The following ST8SIA3 variants were observed in gnomAD, a reference collection of about 807,000 sequenced individuals.
ST8SIA3 encodes ST8 alpha-N-acetyl-neuraminide alpha-2,8-sialyltransferase 3, also known as alpha-N-acetylneuraminate alpha-2,8-sialyltransferase ST8SIA3.
In ST8SIA3, 17 loss-of-function variants were observed where a neutral mutation model predicts 34.5. The ratio of observed to expected loss-of-function variants is 0.49; its 90% confidence interval spans 0.34 to 0.74. The LOEUF (loss-of-function observed/expected upper bound fraction) is 0.74. Ranked by LOEUF, ST8SIA3 falls within the 30% of genes least tolerant of loss-of-function variation. The pLI is 0.01. For synonymous variants in ST8SIA3, 172 were observed against 176.1 expected (o/e 0.98, Z 0.19); for missense variants, 354 against 467.8 (o/e 0.76, Z 2.24).
chr18:57,359,833 G>A (rs780740268), intron 3 of ST8SIA3, among the ~76,000 whole-genome samples, 162 bp from the exon 4 acceptor site: 8 of 152,294 alleles, frequency 5.3e-5, no homozygotes, highest in Middle Eastern at 3.4e-3. Flanking sequence ...TATGTAACCA[G>A]TTGTGCCCAG....
intron 2 of ST8SIA3, among the ~76,000 whole-genome samples, chr18:57,355,982 C>T (rs567922619): frequency 6.6e-6 from 1 of 152,282 alleles, no homozygotes; most frequent in Non-Finnish European, 1.5e-5. Flanking sequence ...ATGTGCAAAG[C>T]ATTTCATTTC....
At position 57,362,266 on chromosome 18, in the gene ST8SIA3, G is replaced by A. The variant is rs986555271; in HGVS notation, c.*1989G>A. The A allele has an allele frequency of 8.5e-5, 13 of 152,300 alleles. No individual in the cohort carries two copies. The highest frequency in any genetic ancestry group is 8.5e-4 in the Admixed American group (13 of 15,294). 9.4% of individuals were successfully genotyped at this position (152,300 alleles called of 1,614,324 possible). A position where few individuals can be genotyped will look rare whatever the true frequency, so the allele number is the denominator to read the frequency against. On this transcript the variant is annotated 3_prime_UTR_variant, in exon 4 of 4. Coordinates refer to ENST00000324000, the MANE Select transcript of ST8SIA3 (RefSeq NM_015879.3). ...GCTCTGTTGGGATCACTGAGAGATT[G>A]ACAACTGACAGAAGTGTTTAGTTGG...
Position 57,360,367 on chromosome 18 carries a change from T to G in ST8SIA3, c.*90T>G. ...TCAGAATAGAACCCTAGAGAATGTC[T>G]TATAAGGATTGTCTGCCATTTAAAA... is the stretch of plus-strand genomic sequence containing the variant. On this transcript the variant is annotated 3_prime_UTR_variant, in exon 4 of 4. Coordinates refer to ENST00000324000, the MANE Select transcript of ST8SIA3 (RefSeq NM_015879.3). The G allele has an allele frequency of 2.4e-6, 3 of 1,248,796 alleles. No individual in the cohort carries two copies. The highest frequency in any genetic ancestry group is 3.3e-6 in the Non-Finnish European group (3 of 911,128). The allele number at this position is 1,248,796 out of a possible 1,614,324, so 77.4% of individuals were successfully genotyped here. A position where few individuals can be genotyped will look rare whatever the true frequency, so the allele number is the denominator to read the frequency against.
chr18:57,358,818 G>A (rs2049813040), intron 3 of ST8SIA3, among the ~76,000 whole-genome samples: 1 of 152,190 alleles, frequency 6.6e-6, no homozygotes, highest in Admixed American at 6.5e-5. Context: ...CTGCCAACCT[G>A]TCCCATGGTC....
chr18:57,353,923 G>A (rs1446165691), intron 1 of ST8SIA3, among the ~76,000 whole-genome samples: 3 of 152,222 alleles, frequency 2.0e-5, no homozygotes, highest in African/African-American at 7.2e-5. Flanking sequence ...CAAGTTATAG[G>A]AAGTGAAATC....
chr18:57,356,762 C>G (rs1328331038), intron 2 of ST8SIA3, 151 bp from the exon 3 acceptor site: 5 of 585,006 alleles, frequency 8.5e-6, no homozygotes, highest in Non-Finnish European at 1.5e-5. Context: ...TGAAGCAGTC[C>G]TCCCTTCAAG....
chr18:57,355,257 C>A (rs2049792611), intron 2 of ST8SIA3, among the ~76,000 whole-genome samples: 1 of 152,088 alleles, frequency 6.6e-6, no homozygotes, highest in Non-Finnish European at 1.5e-5. Flanking sequence ...CTTAGCAAAC[C>A]ACGATAACTC....
intron 3 of ST8SIA3, 38 bp from the exon 4 acceptor site, chr18:57,359,957 G>A (rs747901057): frequency 1.1e-5 from 17 of 1,582,584 alleles, no homozygotes; most frequent in Admixed American, 6.8e-5. Flanking sequence ...AACTTTCAAC[G>A]CTGACCTCTG....
chr18:57,356,852 A>T, intron 2 of ST8SIA3, 61 bp from the exon 3 acceptor site: 1 of 1,100,392 alleles, frequency 9.1e-7, no homozygotes, highest in Admixed American at 2.3e-5. Flanking sequence ...AGCATAAGTC[A>T]TAAGATGGAA....
At chr18:57,354,651 C>A (rs2049787939) in intron 2 of ST8SIA3, 127 bp downstream of exon 2, 1 of 1,092,430 alleles carries the variant, frequency 9.2e-7, no homozygotes, top group Non-Finnish European at 1.3e-6. Context: ...CCCTCACCAT[C>A]AGGTGTATCT....
chr18:57,353,143 TGC>T, intron 1 of ST8SIA3, 118 bp downstream of exon 1: 1 of 967,924 alleles, frequency 1.0e-6, no homozygotes, highest in South Asian at 1.6e-5. Context: ...GCCAGATAAC[TGC>T]GCGGTCCTTC....
rs1016672189 is a variant in ST8SIA3, at chr18:57,362,473, A to G, written c.*2196A>G. 1 of 152,224 alleles carries G rather than the reference A, an allele frequency of 6.6e-6. No homozygotes were observed. The highest frequency in any genetic ancestry group is 6.5e-5 in the Admixed American group (1 of 15,280). The allele number at this position is 152,224 out of a possible 1,614,324, so 9.4% of individuals were successfully genotyped here. Reference sequence around the variant, plus strand: ...GAGGAAAAGACCAGAATCTCTAAAAAACAGTTTACTGTTCTGTAGTGGACA... The same window carrying G: ...GAGGAAAAGACCAGAATCTCTAAAAGACAGTTTACTGTTCTGTAGTGGACA... On this transcript the variant is annotated 3_prime_UTR_variant, in exon 4 of 4. Transcript: ENST00000324000.
At position 57,354,601 on chromosome 18, in the gene ST8SIA3, A is replaced by G; in HGVS notation, c.302+77A>G. The G allele has an allele frequency of 2.6e-6, 4 of 1,558,278 alleles. 1 individual carries two copies. In the South Asian group the frequency reaches 4.6e-5, roughly 18 times the overall value. ...AAAACAAAACAAAACAAAAACAAGC[A>G]AACAAAAACATCTAAAACAACAAAC... On this transcript the variant is annotated intron_variant, in intron 2 of 3. Coordinates refer to ENST00000324000, the MANE Select transcript of ST8SIA3 (RefSeq NM_015879.3).
chr18:57,357,499 T>C (rs751856306), intron 3 of ST8SIA3, 29 bp downstream of exon 3: 2 of 1,542,102 alleles, frequency 1.3e-6, no homozygotes, highest in Non-Finnish European at 1.8e-6. Context: ...ATTTTACTCA[T>C]ACTCCACCAG....
rs1183324417 is a variant in ST8SIA3 at position 57,352,954 on chromosome 18, G to A, written c.108G>A (p.Glu36=). 1.2e-6 allele frequency: 2 copies of A among 1,613,220 alleles called. No individual in the cohort carries two copies. The highest frequency in any genetic ancestry group is 2.7e-5 in the African/African-American group (2 of 74,806). Residue 36 remains glutamate (E), a synonymous_variant, in exon 1 of 4, where the codon GAG becomes GAA. Transcript: ENST00000324000. ...TCAGCTACGTGTCCCTGAAAAAGGA[G>A]AACATCTTCACCACTCCCAAGTACG... The part of the protein sequence containing the change: ...SLISYVSLKK[E]NIFTTPKYAS...
chr18:57,359,268 T>G (rs139314144), intron 3 of ST8SIA3, among the ~76,000 whole-genome samples: 1 of 152,338 alleles, frequency 6.6e-6, no homozygotes, highest in East Asian at 1.9e-4. Flanking sequence ...TAATATTATT[T>G]AAATATGGAA....
rs1308108967 is a variant in ST8SIA3, at chr18:57,352,902, G to T, written c.56G>T (p.Ser19Ile). 6.2e-6 allele frequency: 10 copies of T among 1,613,806 alleles called. No individual in the cohort carries two copies. Among genetic ancestry groups the T allele is most frequent in the Non-Finnish European group, 6.8e-6 (8 of 1,179,992 alleles). The change falls in exon 1 of 4, where the codon AGC becomes ATC. Residue 19 changes from serine to isoleucine, a missense_variant. Ser to Ile is a moderately radical substitution (Grantham distance 142). Transcript: ENST00000324000. ...AGTGTGCTGGGGCTGGTCATGCTCAGCGTCGCCCTGCTGATTTTATCGCTC... is the reference window on the plus strand; with the variant it reads ...AGTGTGCTGGGGCTGGTCATGCTCATCGTCGCCCTGCTGATTTTATCGCTC... Reference protein sequence around the residue: ...VASVLGLVMLSVALLILSLIS... With the variant: ...VASVLGLVMLIVALLILSLIS...
chr18:57,352,785 C>T lies in ST8SIA3; in HGVS notation c.-62C>T, dbSNP rs1465787819. 3 of 1,346,456 alleles carry T rather than the reference C, an allele frequency of 2.2e-6. No individual in the cohort carries two copies. Among genetic ancestry groups the T allele is most frequent in the Middle Eastern group, 1.8e-4 (1 of 5,574 alleles). The allele number at this position is 1,346,456 out of a possible 1,614,324, so 83.4% of individuals were successfully genotyped here. ...ACACACACACATATATACACGCCAG[C>T]GAGCTGCTGGCCGCTCAATGGACCG... On this transcript the variant is annotated 5_prime_UTR_variant, in exon 1 of 4. Transcript: ENST00000324000.
intron 1 of ST8SIA3, among the ~76,000 whole-genome samples, chr18:57,353,340 G>A (rs1188676548): frequency 1.3e-5 from 2 of 152,138 alleles, no homozygotes; most frequent in Non-Finnish European, 2.9e-5. Flanking sequence ...GGGAAAGACG[G>A]TGTGTTTGTT....
Sources: gnomAD v4.1 joint callset for allele counts (sites outside exome capture counted in the v4.1 genomes callset) on GRCh38, gnomAD v4.1.1 for gene constraint, MANE v1.5 for transcripts, NCBI Gene and HGNC (gene_info 2026-07-23, HGNC 2026-07-21) for gene names.